NBAS: variants seen among roughly 807,000 people sequenced by gnomAD.
The protein encoded by NBAS is NAG/BC035112 fusion.
A neutral mutation model predicts 302.5 loss-of-function variants in NBAS; 219 were observed. The ratio of observed to expected loss-of-function variants is 0.72; its 90% CI spans 0.65 to 0.81. The LOEUF is 0.81. NBAS is among the 30% of genes least tolerant of loss of function. The probability of loss-of-function intolerance (pLI) is 0.00; values close to 1 mark genes in which losing one functional copy is unlikely to be tolerated. For missense variants in NBAS, 2,932 were observed against 2,841.6 expected (o/e 1.03, Z -0.72); for synonymous variants, 1,118 against 1,021.6 (o/e 1.09, Z -1.80).
chr2:15,075,365 C>T, the NBAS span, among the ~76,000 whole-genome samples: 5 of 152,296 alleles, frequency 3.3e-5, no homozygotes, highest in South Asian at 1.0e-3. Flanking sequence ...CTCTGGCCTC[C>T]TGTTGGAATC....
At chr2:15,021,402 C>T in the NBAS span, among the ~76,000 whole-genome samples, 1 of 152,114 alleles carries the variant, frequency 6.6e-6, no homozygotes, top group Non-Finnish European at 1.5e-5. Context: ...ACGTAATCAC[C>T]TCCAGAACCC....
At chr2:14,944,135 TA>T in the NBAS span, among the ~76,000 whole-genome samples, 1 of 151,942 alleles carries the variant, frequency 6.6e-6, no homozygotes, top group African/African-American at 2.4e-5. Context: ...CCGTCTCTAC[TA>T]AAAAATACAA....
intron 11 of NBAS, among the ~76,000 whole-genome samples, chr2:15,497,158 A>G (rs370243257): frequency 1.3e-5 from 2 of 152,186 alleles, no homozygotes; most frequent in African/African-American, 4.8e-5. Context: ...AGAGACAGTC[A>G]TGGGCCAGCT....
chr2:15,519,175 T>A (rs1662545191), intron 9 of NBAS, among the ~76,000 whole-genome samples: 1 of 152,196 alleles, frequency 6.6e-6, no homozygotes, highest in Non-Finnish European at 1.5e-5. Flanking sequence ...TTTACTAAAC[T>A]GCATATAACC....
the NBAS span, among the ~76,000 whole-genome samples, chr2:14,885,995 T>G: frequency 6.6e-6 from 1 of 152,192 alleles, no homozygotes. Context: ...TTTGAGAAGT[T>G]TGCTATGTAG....
chr2:15,360,490 C>A (rs929679087), intron 32 of NBAS, among the ~76,000 whole-genome samples: 1 of 151,932 alleles, frequency 6.6e-6, no homozygotes, highest in African/African-American at 2.4e-5. Context: ...GGCCTACAAG[C>A]ATGCATCACC....
chr2:15,361,716 C>T (rs1370307414), intron 32 of NBAS, among the ~76,000 whole-genome samples: 3 of 151,954 alleles, frequency 2.0e-5, no homozygotes, highest in Admixed American at 6.6e-5. Flanking sequence ...CGGTGGCTCA[C>T]GCCTGTAATC....
chr2:15,519,002 G>A (rs1012260950), intron 9 of NBAS, among the ~76,000 whole-genome samples: 3 of 152,162 alleles, frequency 2.0e-5, no homozygotes, highest in African/African-American at 7.2e-5. Context: ...TACAAGATGA[G>A]ATTTGGGTGG....
At position 15,215,728 on chromosome 2, in the gene NBAS, CA is replaced by C. The variant is rs537840539; in HGVS notation, c.6432+3044del. Among the ~76,000 whole-genome samples, 5 of 152,190 alleles carry C rather than the reference CA, an allele frequency of 3.3e-5. No individual in the cohort carries two copies. In the South Asian group the frequency reaches 1.0e-3, roughly 32 times the overall value. On this transcript the variant is annotated intron_variant, in intron 48 of 51. Coordinates refer to ENST00000281513, the MANE Select transcript of NBAS (RefSeq NM_015909.4). ...TGTGAGAGAAATGATGAGGGGAGCA[CA>C]ACATCCTCTATCTCCTCTAGTTGAA...
the NBAS span, among the ~76,000 whole-genome samples, chr2:15,017,312 C>T: frequency 3.3e-5 from 5 of 151,820 alleles, no homozygotes; most frequent in Non-Finnish European, 7.4e-5. Context: ...CAAAAATAAA[C>T]AAATGGGATA....
At chr2:15,084,423 A>G in the NBAS span, among the ~76,000 whole-genome samples, 1 of 152,220 alleles carries the variant, frequency 6.6e-6, no homozygotes, top group Non-Finnish European at 1.5e-5. Context: ...AACAAAAACT[A>G]TAGCTATCAT....
chr2:15,558,943 C>T (rs1187222504), intron 1 of NBAS, among the ~76,000 whole-genome samples: 3 of 151,230 alleles, frequency 2.0e-5, no homozygotes, highest in Non-Finnish European at 2.9e-5. Context: ...GCGGTGCATG[C>T]CTATAGTCCC....
intron 7 of NBAS, 39 bp from the exon 8 acceptor site, chr2:15,536,590 A>C (rs1663530736): frequency 6.4e-7 from 1 of 1,550,796 alleles, no homozygotes; most frequent in African/African-American, 1.4e-5. Flanking sequence ...AAAAAAAAAA[A>C]AACTAGATAA....
intron 28 of NBAS, among the ~76,000 whole-genome samples, chr2:15,392,022 C>A (rs34739027): frequency 0.63 from 93,768 of 149,298 alleles, 29,986 homozygotes; most frequent in Middle Eastern, 0.68. Flanking sequence ...CTAGCACTAC[C>A]AAAAAAAAAA....
At chr2:15,028,044 G>C in the NBAS span, among the ~76,000 whole-genome samples, 1,895 of 152,138 alleles carry the variant, frequency 0.012, 42 homozygotes, top group African/African-American at 0.044. Context: ...CTAATATTTA[G>C]AAATTTTTGC....
At chr2:15,404,160 A>G (rs1241636281) in intron 25 of NBAS, among the ~76,000 whole-genome samples, 8 of 152,172 alleles carry the variant, frequency 5.3e-5, no homozygotes, top group Admixed American at 5.2e-4. Flanking sequence ...TACACAAATG[A>G]AAAACAAATA....
At chr2:15,515,501 G>A (rs892195039) in intron 9 of NBAS, among the ~76,000 whole-genome samples, 1 of 152,088 alleles carries the variant, frequency 6.6e-6, no homozygotes, top group African/African-American at 2.4e-5. Context: ...CCTGAGTGAT[G>A]GAGCAAGACT....
At chr2:15,287,569 C>T (rs905562110) in intron 41 of NBAS, among the ~76,000 whole-genome samples, 5 of 152,184 alleles carry the variant, frequency 3.3e-5, no homozygotes, top group African/African-American at 4.8e-5. Context: ...GACAGTCCCA[C>T]ACAGGCATCC....
At chr2:15,495,157 G>A (rs553917708) in intron 11 of NBAS, among the ~76,000 whole-genome samples, 5 of 152,300 alleles carry the variant, frequency 3.3e-5, no homozygotes, top group Admixed American at 6.5e-5. Flanking sequence ...TAGCAGGAGC[G>A]TGACAAGAGA....
Sources: allele counts gnomAD v4.1 joint callset (sites outside exome capture counted in the v4.1 genomes callset), GRCh38; gene constraint gnomAD v4.1.1; transcripts MANE v1.5; gene names NCBI Gene and HGNC (gene_info 2026-07-23, HGNC 2026-07-21).